Variants in NIPAL2 observed in about 807,000 individuals in gnomAD.
NIPAL2 encodes NIPA-like protein 2.
Under a neutral mutation model 48.9 loss-of-function variants are expected in NIPAL2, and 43 were observed. The ratio of observed to expected loss-of-function variants is 0.88; its 90% CI spans 0.69 to 1.13. NIPAL2 has a LOEUF of 1.13. Among genes scored for constraint, NIPAL2 ranks in the 50% most tolerant of loss-of-function variants. The pLI, the probability that NIPAL2 is intolerant of heterozygous loss-of-function variation, is 0.00. For synonymous variants in NIPAL2, 167 were observed against 174.6 expected (o/e 0.96, Z 0.34); for missense variants, 446 against 461.4 (o/e 0.97, Z 0.31).
intron 1 of NIPAL2, among the ~76,000 whole-genome samples, chr8:98,256,104 C>T (rs867629027): frequency 1.3e-5 from 2 of 152,070 alleles, no homozygotes; most frequent in African/African-American, 4.8e-5. Context: ...CAGTCTCTGC[C>T]TCCTAGAGGT....
chr8:98,209,695 T>G (rs1811219395), intron 6 of NIPAL2, among the ~76,000 whole-genome samples: 1 of 152,086 alleles, frequency 6.6e-6, no homozygotes, highest in South Asian at 2.1e-4. Flanking sequence ...TTTGGATTTT[T>G]GTATCAATAT....
chr8:98,259,464 G>A (rs1324824621), intron 1 of NIPAL2, among the ~76,000 whole-genome samples: 2 of 152,136 alleles, frequency 1.3e-5, no homozygotes, highest in African/African-American at 4.8e-5. Context: ...ATATCTTAAT[G>A]TATCAGACAA....
At chr8:98,282,639 T>C (rs1815906961) in intron 1 of NIPAL2, among the ~76,000 whole-genome samples, 2 of 151,942 alleles carry the variant, frequency 1.3e-5, no homozygotes, top group African/African-American at 4.8e-5. Context: ...TACCACTGCA[T>C]CCAGCCTGGG....
intron 1 of NIPAL2, among the ~76,000 whole-genome samples, chr8:98,270,979 C>T (rs192115268): frequency 1.3e-5 from 2 of 151,450 alleles, no homozygotes; most frequent in African/African-American, 2.4e-5. Flanking sequence ...TTGCTTTTGT[C>T]GACTTTGTCA....
At chr8:98,258,862 C>T (rs1242954300) in intron 1 of NIPAL2, among the ~76,000 whole-genome samples, 5 of 151,862 alleles carry the variant, frequency 3.3e-5, no homozygotes, top group South Asian at 2.1e-4. Flanking sequence ...GGGGGCTGCC[C>T]GACTCCTGAA....
chr8:98,293,136 A>G (rs932449621), intron 1 of NIPAL2, among the ~76,000 whole-genome samples: 1 of 152,268 alleles, frequency 6.6e-6, no homozygotes, highest in Non-Finnish European at 1.5e-5. Context: ...CCGATTTAGG[A>G]CAACAGCAAC....
At position 98,291,242 on chromosome 8, in the gene NIPAL2, C is replaced by T. The variant is rs766311894; in HGVS notation, c.135+2761G>A. Among the ~76,000 whole-genome samples the T allele has an allele frequency of 7.0e-4, 106 of 152,218 alleles. 1 individual carries two copies. Among genetic ancestry groups the T allele is most frequent in the Admixed American group, 3.7e-3 (57 of 15,296 alleles). On this transcript the variant is annotated intron_variant, in intron 1 of 10. Transcript: ENST00000430223. ...CTTATAGTCAGTCTCCATCTTCCAC[C>T]GCAACCAGAATGATAGTTGAATTGT...
chr8:98,233,243 G>A (rs1280575162), intron 4 of NIPAL2, among the ~76,000 whole-genome samples: 2 of 151,776 alleles, frequency 1.3e-5, no homozygotes, highest in African/African-American at 2.4e-5. Context: ...GGGCAACAGA[G>A]CGAGACTCCA....
chr8:98,288,460 T>C (rs1816313737), intron 1 of NIPAL2, among the ~76,000 whole-genome samples: 1 of 151,906 alleles, frequency 6.6e-6, no homozygotes, highest in Non-Finnish European at 1.5e-5. Flanking sequence ...TTTGGGTTGG[T>C]TCCAAGTCTT....
In NIPAL2 at chr8:98,294,206, A is replaced by T; in HGVS notation, c.-69T>A. ...CGCCTCCCCGCCCTGTTGCACCGCG[A>T]GGAGGCCGCGCCGCAGCCACTTCCT... On this transcript the variant is annotated 5_prime_UTR_variant, in exon 1 of 11. Coordinates refer to ENST00000430223, the MANE Select transcript of NIPAL2 (RefSeq NM_001321635.2). 2 of 1,209,348 alleles carry T rather than the reference A, an allele frequency of 1.7e-6. No individual in the cohort carries two copies. Among genetic ancestry groups the T allele is most frequent in the Non-Finnish European group, 2.1e-6 (2 of 973,112 alleles). 74.9% of individuals were successfully genotyped at this position (1,209,348 alleles called of 1,614,324 possible). A position where few individuals can be genotyped will look rare whatever the true frequency, so the allele number is the denominator to read the frequency against.
intron 1 of NIPAL2, among the ~76,000 whole-genome samples, chr8:98,283,886 C>T (rs1816000902): frequency 6.6e-6 from 1 of 152,186 alleles, no homozygotes; most frequent in Admixed American, 6.6e-5. Context: ...GATGTTGCCA[C>T]TCACTCACTG....
intron 1 of NIPAL2, among the ~76,000 whole-genome samples, chr8:98,278,652 G>A (rs149795652): frequency 4.6e-5 from 7 of 152,222 alleles, no homozygotes; most frequent in Non-Finnish European, 8.8e-5. Context: ...TAGACTATAA[G>A]CTCCTTGAAG....
chr8:98,204,513 T>C (rs1392611222), intron 7 of NIPAL2, among the ~76,000 whole-genome samples: 1 of 151,590 alleles, frequency 6.6e-6, no homozygotes, highest in Non-Finnish European at 1.5e-5. Flanking sequence ...GTGATTAGAG[T>C]TGATGGAGTG....
At chr8:98,280,100 T>C (rs953875611) in intron 1 of NIPAL2, among the ~76,000 whole-genome samples, 6 of 152,224 alleles carry the variant, frequency 3.9e-5, no homozygotes, top group African/African-American at 7.2e-5. Context: ...CTGTAATCCA[T>C]TGTGGAGCGA....
intron 1 of NIPAL2, among the ~76,000 whole-genome samples, chr8:98,257,002 A>C (rs912784622): frequency 5.9e-5 from 9 of 152,220 alleles, no homozygotes; most frequent in African/African-American, 2.2e-4. Context: ...ATACACTACA[A>C]CATGGATGAA....
At position 98,203,125 on chromosome 8, in the gene NIPAL2, A is replaced by G. The variant is rs1297653962; in HGVS notation, c.863T>C (p.Ile288Thr). The change falls in exon 8 of 11, where the codon ATC becomes ACC. Residue 288 changes from isoleucine (I) to threonine (T), a missense_variant. Ile to Thr is a moderately conservative substitution (Grantham distance 89, BLOSUM62 -1). Coordinates refer to ENST00000430223, the MANE Select transcript of NIPAL2 (RefSeq NM_001321635.2). ...AAACTCACCTGCAATGATGGCACTGATTGTAAAGAAAATATGATTAACTGG... is the reference window on the plus strand; with the variant it reads ...AAACTCACCTGCAATGATGGCACTGGTTGTAAAGAAAATATGATTAACTGG... The part of the protein sequence containing the change: ...VVPVNHIFFT[I>T]SAIIAGIIFY... The G allele has an allele frequency of 1.2e-6, 2 of 1,614,002 alleles. No individual in the cohort carries two copies. The highest frequency in any genetic ancestry group is 1.7e-6 in the Non-Finnish European group (2 of 1,179,858).
chr8:98,217,145 A>C (rs1339953927), intron 5 of NIPAL2: 9 of 985,290 alleles, frequency 9.1e-6, no homozygotes. Context: ...AGTGCACTTT[A>C]TTCTTCTCTG....
chr8:98,275,008 T>C (rs756980518), intron 1 of NIPAL2, among the ~76,000 whole-genome samples: 1 of 152,162 alleles, frequency 6.6e-6, no homozygotes, highest in African/African-American at 2.4e-5. Flanking sequence ...TATGGATTCA[T>C]AGTAGGTTGC....
At chr8:98,270,507 G>C (rs958864169) in intron 1 of NIPAL2, among the ~76,000 whole-genome samples, 2 of 151,972 alleles carry the variant, frequency 1.3e-5, no homozygotes, top group Non-Finnish European at 2.9e-5. Flanking sequence ...TATATTCTTT[G>C]CTCACTTTTC....
Sources: allele counts gnomAD v4.1 joint callset (sites outside exome capture counted in the v4.1 genomes callset), GRCh38; gene constraint gnomAD v4.1.1; transcripts MANE v1.5; gene names NCBI Gene and HGNC (gene_info 2026-07-23, HGNC 2026-07-21).